The following PRKAG2 variants were observed in gnomAD, a reference collection of about 807,000 sequenced individuals.
The protein encoded by PRKAG2 is 5'-AMP-activated protein kinase subunit gamma-2.
Under a neutral mutation model 69.6 loss-of-function variants are expected in PRKAG2, and 26 were observed. That is an observed-to-expected ratio of 0.37 (90% CI 0.27 to 0.52). The LOEUF is 0.52. Ranked by LOEUF, PRKAG2 falls within the 20% of genes least tolerant of loss-of-function variation. The probability of loss-of-function intolerance (pLI) is 0.90; values close to 1 mark genes in which losing one functional copy is unlikely to be tolerated. For synonymous variants in PRKAG2, 293 were observed against 285.0 expected, an observed-to-expected ratio of 1.03 and a Z score of -0.28; for missense variants, 557 against 740.0, an observed-to-expected ratio of 0.75 and a Z score of 2.87.
intron 4 of PRKAG2, among the ~76,000 whole-genome samples, chr7:151,653,265 AT>A (rs2151403570): frequency 6.6e-6 from 1 of 152,302 alleles, no homozygotes; most frequent in African/African-American, 2.4e-5. Flanking sequence ...TTAAAAAAAA[AT>A]ACGTTAGCTT....
intron 10 of PRKAG2, 101 bp downstream of exon 10, chr7:151,570,070 T>A (rs1807188382): frequency 2.9e-6 from 4 of 1,386,960 alleles, no homozygotes; most frequent in Non-Finnish European, 4.0e-6. Context: ...CAGGCCCTGT[T>A]TGGAATGAAG....
chr7:151,866,558 T>C (rs2080083264), intron 1 of PRKAG2, among the ~76,000 whole-genome samples: 2 of 152,152 alleles, frequency 1.3e-5, no homozygotes, highest in Non-Finnish European at 2.9e-5. Flanking sequence ...ATCAAGAATA[T>C]TGATCGGTCA....
At chr7:151,856,532 C>T (rs1474649167) in intron 1 of PRKAG2, among the ~76,000 whole-genome samples, 2 of 152,344 alleles carry the variant, frequency 1.3e-5, no homozygotes, top group East Asian at 3.9e-4. Flanking sequence ...ATTGGCCTCG[C>T]CGTGGCCCTT....
rs1167200476 is a variant in PRKAG2, at chr7:151,565,849, T to G, written c.1270A>C (p.Asn424His). ...GTTCCTATTCCAAGCTCATCCAGGT[T>G]CTGCTTCATGAAGGCAGGCTTTGGC... ...DMPKPAFMKQ[N>H]LDELGIGTYH... Residue 424 changes from asparagine (N) to histidine (H), a missense_variant, in exon 12 of 16, where the codon AAC (asparagine) becomes CAC (histidine). Around this residue, in one of 2 missense-constraint regions of PRKAG2, gnomAD observed 205 missense variants for 383.4 expected, o/e 0.53. Coordinates refer to ENST00000287878, the MANE Select transcript of PRKAG2 (RefSeq NM_016203.4). 6.2e-7 allele frequency: 1 copy of G among 1,613,842 alleles called. No individual in the cohort carries two copies. The highest frequency in any genetic ancestry group is 1.3e-5 in the African/African-American group (1 of 75,050).
At chr7:151,631,427 C>T (rs563757783) in intron 5 of PRKAG2, among the ~76,000 whole-genome samples, 117 of 152,156 alleles carry the variant, frequency 7.7e-4, no homozygotes, top group African/African-American at 2.4e-3. Context: ...GAGCTCATGC[C>T]TTTCAAATGT....
rs552498222 is a variant in PRKAG2 at position 151,558,948 on chromosome 7, C to G, written c.1678+1576G>C. 290 of 985,218 alleles carry G rather than the reference C, an allele frequency of 2.9e-4. 1 individual carries two copies. Among genetic ancestry groups the G allele is most frequent in the Admixed American group, 6.8e-4 (11 of 16,256 alleles). The allele number at this position is 985,218 out of a possible 1,614,324, so 61.0% of individuals were successfully genotyped here. On this transcript the variant is annotated intron_variant, in intron 15 of 15. Coordinates refer to ENST00000287878, the MANE Select transcript of PRKAG2 (RefSeq NM_016203.4). ...ACTTGTTTACTCTTTTTGTAATGCC[C>G]AAAGAGACAGACAAGAGCTGACATT...
intron 1 of PRKAG2, among the ~76,000 whole-genome samples, chr7:151,787,925 C>T (rs1216795414): frequency 1.4e-4 from 21 of 152,094 alleles, no homozygotes; most frequent in Admixed American, 1.4e-3. Flanking sequence ...GAGAGGGGCC[C>T]CAGAAAAACC....
chr7:151,871,480 C>T (rs1396172813), intron 1 of PRKAG2, among the ~76,000 whole-genome samples: 3 of 152,222 alleles, frequency 2.0e-5, no homozygotes, highest in African/African-American at 2.4e-5. Flanking sequence ...GCATCCTCCC[C>T]CTCCTCCTCC....
chr7:151,649,492 G>C (rs1009917319), intron 4 of PRKAG2, among the ~76,000 whole-genome samples: 7 of 152,138 alleles, frequency 4.6e-5, no homozygotes, highest in African/African-American at 1.7e-4. Flanking sequence ...TTGTCATGTT[G>C]GTTGTGCTTG....
chr7:151,567,588 A>G lies in PRKAG2; in HGVS notation c.1233+1128T>C, dbSNP rs1240599796. Among the ~76,000 whole-genome samples the G allele has an allele frequency of 6.6e-6, 1 of 152,232 alleles. No individual in the cohort carries two copies. The highest frequency in any genetic ancestry group is 2.4e-5 in the African/African-American group (1 of 41,458). On this transcript the variant is annotated intron_variant, in intron 11 of 15. Coordinates refer to ENST00000287878, the MANE Select transcript of PRKAG2 (RefSeq NM_016203.4). The surrounding 1 kb of genome is among the most constrained non-coding windows in gnomAD (Gnocchi z 4.2). The stretch of plus-strand genomic sequence containing the variant: ...AAAGCGGCTGCATTCCCAGATGTCC[A>G]GTCTGATAAACAATGCGGATGCATC...
rs11296795 is a variant in PRKAG2 at position 151,671,171 on chromosome 7, CAAAAAAA to C, written c.684+4242_684+4248del. Among the ~76,000 whole-genome samples the C allele has an allele frequency of 9.0e-4, 50 of 55,424 alleles. No homozygotes were observed. In the South Asian group the frequency reaches 0.024, roughly 26 times the overall value. The allele number at this position is 55,424 out of a possible 152,430, so 36.4% of individuals were successfully genotyped here. On this transcript the variant is annotated intron_variant, in intron 4 of 15. Transcript: ENST00000287878. ...CCTGGGTGACAGAGCTAGACTGTCTCAAAAAAAAAAAAAAAAAAAAAAAAAAAGGAGT... is the reference window on the plus strand; with the variant it reads ...CCTGGGTGACAGAGCTAGACTGTCTCAAAAAAAAAAAAAAAAAAAAGGAGT...
rs554743897 is a variant in PRKAG2, at chr7:151,828,976, T to C, written c.115-42435A>G. ...TTGTGTTTATTTGACGTGTTCTCAA[T>C]GTGTTAGAAGGCTTCTTAAATGGGA... is the stretch of plus-strand genomic sequence containing the variant. On this transcript the variant is annotated intron_variant, in intron 1 of 15. Coordinates refer to ENST00000287878, the MANE Select transcript of PRKAG2 (RefSeq NM_016203.4). This position sits in a 1 kb window ranked among gnomAD's most constrained non-coding sequence, Gnocchi z 4.6. Among the ~76,000 whole-genome samples the C allele has an allele frequency of 1.3e-5, 2 of 152,322 alleles. No individual in the cohort carries two copies. The highest frequency in any genetic ancestry group is 4.8e-5 in the African/African-American group (2 of 41,578).
intron 4 of PRKAG2, among the ~76,000 whole-genome samples, chr7:151,663,769 A>G (rs796515631): frequency 5.3e-5 from 8 of 152,324 alleles, no homozygotes; most frequent in African/African-American, 1.9e-4. Context: ...GAGGCAAAGC[A>G]CTACTGTTTG....
chr7:151,569,201 C>T (rs1020319639), intron 10 of PRKAG2, among the ~76,000 whole-genome samples: 23 of 152,222 alleles, frequency 1.5e-4, no homozygotes, highest in Middle Eastern at 6.8e-3. Context: ...CAGGCATGCG[C>T]CACCTTTCTT....
chr7:151,584,890 C>T (rs866782944), intron 6 of PRKAG2, among the ~76,000 whole-genome samples: 2 of 152,188 alleles, frequency 1.3e-5, no homozygotes, highest in Non-Finnish European at 2.9e-5. Flanking sequence ...CAGTGAAACC[C>T]TATCTCTAAA....
chr7:151,714,562 T>C (rs1388706836), intron 3 of PRKAG2, among the ~76,000 whole-genome samples: 1 of 151,516 alleles, frequency 6.6e-6, no homozygotes, highest in Non-Finnish European at 1.5e-5. Context: ...TCAGGGCCAT[T>C]GGTGAACAGA....
At chr7:151,861,490 T>C (rs892240678) in intron 1 of PRKAG2, among the ~76,000 whole-genome samples, 4 of 133,096 alleles carry the variant, frequency 3.0e-5, no homozygotes, top group African/African-American at 1.1e-4. Context: ...ATGGTGTCAC[T>C]GCATTCCAGC....
chr7:151,648,834 T>C (rs1450719647), intron 4 of PRKAG2, among the ~76,000 whole-genome samples: 1 of 151,822 alleles, frequency 6.6e-6, no homozygotes, highest in Non-Finnish European at 1.5e-5. Flanking sequence ...CAAGGCAACA[T>C]AGTGAGACCC....
chr7:151,613,915 G>A (rs1231472846), intron 5 of PRKAG2, among the ~76,000 whole-genome samples: 3 of 150,840 alleles, frequency 2.0e-5, no homozygotes, highest in African/African-American at 7.3e-5. Context: ...CGATTCTCCT[G>A]CCTCAGCCTC....
Sources: allele counts gnomAD v4.1 joint callset (sites outside exome capture counted in the v4.1 genomes callset), GRCh38; gene constraint gnomAD v4.1.1; regional missense constraint gnomAD v4.1.1; non-coding constraint Gnocchi (gnomAD v3.1); transcripts MANE v1.5; gene names NCBI Gene and HGNC (gene_info 2026-07-23, HGNC 2026-07-21).